Variants in MEF2C observed in about 807,000 individuals in gnomAD.
MEF2C encodes myocyte-specific enhancer factor 2C.
In MEF2C, 6 loss-of-function variants were observed where a neutral mutation model predicts 50.5. The ratio of observed to expected loss-of-function variants is 0.12; its 90% confidence interval spans 0.07 to 0.23. MEF2C has a LOEUF of 0.23. MEF2C is among the 10% of genes least tolerant of loss of function. The probability of loss-of-function intolerance (pLI) is 1.00; values close to 1 mark genes in which losing one functional copy is unlikely to be tolerated. For missense variants in MEF2C, 276 were observed against 605.0 expected, an observed-to-expected ratio of 0.46 and a Z score of 5.70; for synonymous variants, 183 against 228.0, an observed-to-expected ratio of 0.80 and a Z score of 1.78.
chr5:88,764,576 GAGGC>G (rs5869440), intron 3 of MEF2C, among the ~76,000 whole-genome samples: 71,214 of 151,590 alleles, frequency 0.47, 18,187 homozygotes, highest in East Asian at 0.58. Context: ...TTGGGAGGCC[GAGGC>G]AGGCCGATCA....
intron 1 of MEF2C, among the ~76,000 whole-genome samples, chr5:88,866,624 A>C (rs545606313): frequency 6.6e-6 from 1 of 152,368 alleles, no homozygotes; most frequent in East Asian, 1.9e-4. Flanking sequence ...AATTCAGTTA[A>C]AAGCTAAAAG....
intron 6 of MEF2C, chr5:88,740,814 A>C (rs1291469499): frequency 2.0e-6 from 2 of 985,238 alleles, no homozygotes; most frequent in African/African-American, 1.7e-5. Flanking sequence ...TGATAGATTT[A>C]TGACTCATTT....
chr5:88,746,157 C>T (rs575414805), intron 6 of MEF2C, among the ~76,000 whole-genome samples: 100 of 152,184 alleles, frequency 6.6e-4, no homozygotes, highest in African/African-American at 2.2e-3. Flanking sequence ...TGAATGATGA[C>T]CTACAGTTAG....
Position 88,873,691 on chromosome 5 carries a change from T to C in MEF2C, c.-143+9264A>G, listed in dbSNP as rs377411429. ...TATCTTACTCAGCCTTCTGCAAATC[T>C]ATCAATGTCGTCACGGATTTTTTTT... On this transcript the variant is annotated intron_variant, in intron 1 of 10. Transcript: ENST00000504921. Among the ~76,000 whole-genome samples, 54 of 145,494 alleles carry C rather than the reference T, an allele frequency of 3.7e-4. 3 individuals carry two copies. In the East Asian group the frequency reaches 9.4e-3, roughly 25 times the overall value.
At chr5:88,896,542 T>G (rs939550802) in intron 1 of MEF2C, among the ~76,000 whole-genome samples, 1 of 152,184 alleles carries the variant, frequency 6.6e-6, no homozygotes, top group Non-Finnish European at 1.5e-5. Context: ...AAATCACAGA[T>G]AAAGCATCTT....
rs1341726272 is a variant in MEF2C at position 88,749,052 on chromosome 5, T to A, written c.637+18A>T. ...CTCAGAACAATGATACATACTGCAGTATGGAGTCTGGGCTTACCTGCACTG... is the reference window on the plus strand; with the variant it reads ...CTCAGAACAATGATACATACTGCAGAATGGAGTCTGGGCTTACCTGCACTG... On this transcript the variant is annotated intron_variant, in intron 6 of 10. Coordinates refer to ENST00000504921, the MANE Select transcript of MEF2C (RefSeq NM_002397.5). 7 of 1,562,178 alleles carry A rather than the reference T, an allele frequency of 4.5e-6. No homozygotes were observed. The East Asian group carries it at 1.7e-4, about 37-fold the overall frequency.
chr5:88,734,983 C>T, intron 6 of MEF2C: 1 of 985,254 alleles, frequency 1.0e-6, no homozygotes, highest in Non-Finnish European at 1.2e-6. Flanking sequence ...GCATATTGTG[C>T]CAGCTAGCAT....
chr5:88,747,314 ATT>A (rs72065967), intron 6 of MEF2C, among the ~76,000 whole-genome samples: 1 of 22,198 alleles, frequency 4.5e-5, no homozygotes. Context: ...TTTCCTCCAC[ATT>A]TTTTTTTTTT....
chr5:88,734,560 AGTTTGTTTTTTTTTTTT>A, intron 6 of MEF2C: 19 of 535,544 alleles, frequency 3.5e-5, no homozygotes, highest in Non-Finnish European at 4.2e-5. Flanking sequence ...CCTTGAGAAA[AGTTTGTTTTTTTTTTTT>A]TTTTTTTTTT....
At chr5:88,818,723 G>A (rs1806789969) in intron 2 of MEF2C, among the ~76,000 whole-genome samples, 1 of 151,874 alleles carries the variant, frequency 6.6e-6, no homozygotes, top group South Asian at 2.1e-4. Context: ...CTAGCCCCTT[G>A]TTGGCTTCTG....
At position 88,771,237 on chromosome 5, in the gene MEF2C, T is replaced by C. The variant is rs1428684811; in HGVS notation, c.259-9909A>G. Among the ~76,000 whole-genome samples, 3 of 152,232 alleles carry C rather than the reference T, an allele frequency of 2.0e-5. No individual in the cohort carries two copies. The East Asian group carries it at 5.8e-4, about 29-fold the overall frequency. On this transcript the variant is annotated intron_variant, in intron 3 of 10. Coordinates refer to ENST00000504921, the MANE Select transcript of MEF2C (RefSeq NM_002397.5). ...TTTGGGTCAGGATACAGCCAAACTA[T>C]ATCGCTGGGTTTTGGCCAAGGGGGA...
At chr5:88,867,860 T>C (rs564211049) in intron 1 of MEF2C, among the ~76,000 whole-genome samples, 3 of 152,180 alleles carry the variant, frequency 2.0e-5, no homozygotes, top group Non-Finnish European at 4.4e-5. Context: ...GTCTTTAAAT[T>C]CCCTAAAGAA....
chr5:88,828,403 G>A (rs1383497776), intron 1 of MEF2C, among the ~76,000 whole-genome samples: 4 of 151,744 alleles, frequency 2.6e-5, no homozygotes, highest in Non-Finnish European at 5.9e-5. Context: ...AAAAAATTCC[G>A]GTTTTCTTTG....
intron 2 of MEF2C, among the ~76,000 whole-genome samples, chr5:88,811,004 A>G (rs933763127): frequency 1.3e-5 from 2 of 152,130 alleles, no homozygotes; most frequent in Non-Finnish European, 2.9e-5. Context: ...ATAATTAAGG[A>G]ATTTTGGGAA....
At chr5:88,776,984 C>T (rs192667316) in intron 3 of MEF2C, among the ~76,000 whole-genome samples, 1 of 152,220 alleles carries the variant, frequency 6.6e-6, no homozygotes, top group Non-Finnish European at 1.5e-5. Context: ...GACCTGGCCT[C>T]CTGGCTGCCT....
chr5:88,742,505 T>A, intron 6 of MEF2C: 1 of 978,758 alleles, frequency 1.0e-6, no homozygotes, highest in Non-Finnish European at 1.2e-6. Context: ...TTACTGTAGA[T>A]ATAGAAGGAT....
chr5:88,729,070 G>C, intron 9 of MEF2C, 148 bp downstream of exon 9: 1 of 798,508 alleles, frequency 1.3e-6, no homozygotes, highest in Non-Finnish European at 1.9e-6. Context: ...TATTCACTTT[G>C]TCTTAGTGAA....
At chr5:88,767,987 T>G (rs950070903) in intron 3 of MEF2C, among the ~76,000 whole-genome samples, 2 of 152,180 alleles carry the variant, frequency 1.3e-5, no homozygotes, top group African/African-American at 4.8e-5. Flanking sequence ...TCCTTCTGCA[T>G]CCCTTCTCAA....
At chr5:88,776,925 C>T (rs774233537) in intron 3 of MEF2C, among the ~76,000 whole-genome samples, 2 of 152,198 alleles carry the variant, frequency 1.3e-5, no homozygotes, top group Non-Finnish European at 2.9e-5. Flanking sequence ...AGCCCCACGG[C>T]GCACTCTGTC....
Sources: allele counts gnomAD v4.1 joint callset (sites outside exome capture counted in the v4.1 genomes callset), GRCh38; gene constraint gnomAD v4.1.1; transcripts MANE v1.5; gene names NCBI Gene and HGNC (gene_info 2026-07-23, HGNC 2026-07-21).